The following SH3RF3 variants were observed in gnomAD, a reference collection of about 807,000 sequenced individuals.
SH3RF3 encodes SH3 domain containing ring finger 3, also known as E3 ubiquitin-protein ligase SH3RF3.
Under a neutral mutation model 66.3 loss-of-function variants are expected in SH3RF3, and 29 were observed. The ratio of observed to expected loss-of-function variants is 0.44; its 90% confidence interval spans 0.33 to 0.60. The LOEUF (loss-of-function observed/expected upper bound fraction) is 0.60. Ranked by LOEUF, SH3RF3 falls within the 20% of genes least tolerant of loss-of-function variation. The pLI, the probability that SH3RF3 is intolerant of heterozygous loss-of-function variation, is 0.04. For missense variants in SH3RF3, 1,194 were observed against 1,190.9 expected (o/e 1.00, Z -0.04); for synonymous variants, 583 against 532.0 (o/e 1.10, Z -1.32).
intron 1 of SH3RF3, among the ~76,000 whole-genome samples, chr2:109,158,025 C>G (rs543346582): frequency 1.3e-5 from 2 of 152,264 alleles, no homozygotes; most frequent in Non-Finnish European, 2.9e-5. Flanking sequence ...TTCTGGGCTG[C>G]GTGCTTCAAT....
At chr2:109,447,574 C>G (rs1332246053) in intron 7 of SH3RF3, among the ~76,000 whole-genome samples, 2 of 152,104 alleles carry the variant, frequency 1.3e-5, no homozygotes, top group South Asian at 2.1e-4. Context: ...GTGGTGCTGC[C>G]CGGGCCACTT....
chr2:109,394,846 C>G (rs1047300127), intron 3 of SH3RF3, among the ~76,000 whole-genome samples: 2 of 152,178 alleles, frequency 1.3e-5, no homozygotes, highest in African/African-American at 2.4e-5. Flanking sequence ...GGCCTGTGCG[C>G]GAGACGAGTC....
At chr2:109,466,602 C>CT (rs1678352367) in intron 8 of SH3RF3, among the ~76,000 whole-genome samples, 1 of 151,692 alleles carries the variant, frequency 6.6e-6, no homozygotes. Flanking sequence ...AATTTATTAA[C>CT]TATTTCATGA....
intron 1 of SH3RF3, among the ~76,000 whole-genome samples, chr2:109,173,192 A>G (rs1677829736): frequency 6.6e-6 from 1 of 152,220 alleles, no homozygotes; most frequent in African/African-American, 2.4e-5. Flanking sequence ...AATCGAACAC[A>G]GACTGAGTCA....
chr2:109,204,664 C>T (rs1294015068), intron 1 of SH3RF3, among the ~76,000 whole-genome samples: 1 of 152,238 alleles, frequency 6.6e-6, no homozygotes, highest in Non-Finnish European at 1.5e-5. Context: ...GACCTGCTGG[C>T]AGGCAGGATG....
chr2:109,476,797 TTTC>T (rs1678695628), intron 8 of SH3RF3, among the ~76,000 whole-genome samples: 2 of 152,186 alleles, frequency 1.3e-5, no homozygotes, highest in Non-Finnish European at 2.9e-5. Flanking sequence ...TTTATGGTTG[TTTC>T]TTGATGATAA....
chr2:109,423,025 C>G (rs1302262365), intron 5 of SH3RF3, among the ~76,000 whole-genome samples: 1 of 152,186 alleles, frequency 6.6e-6, no homozygotes, highest in African/African-American at 2.4e-5. Flanking sequence ...GAGCCTTGGT[C>G]TGGGACTGCA....
chr2:109,171,936 T>C (rs750786988), intron 1 of SH3RF3, among the ~76,000 whole-genome samples: 1 of 152,224 alleles, frequency 6.6e-6, no homozygotes, highest in Non-Finnish European at 1.5e-5. Flanking sequence ...CAGCCTTGAC[T>C]CCCTCCTTTC....
At position 109,490,907 on chromosome 2, in the gene SH3RF3, C is replaced by T; in HGVS notation, c.2451C>T (p.Arg817=). The change falls in exon 9 of 10, where the codon CGC becomes CGT. Residue 817 remains arginine (R), a synonymous_variant. Transcript: ENST00000309415. ...RQAPLSMAAI[R]PEPKLLPRER... ...CTCCGCTGTCCATGGCTGCCATCCG[C>T]CCCGAGCCCAAGCTGTTGCCCAGAG... 1.3e-6 allele frequency: 2 copies of T among 1,515,408 alleles called. No individual in the cohort carries two copies. Among genetic ancestry groups the T allele is most frequent in the South Asian group, 1.2e-5 (1 of 81,390 alleles). 93.9% of individuals were successfully genotyped at this position (1,515,408 alleles called of 1,614,324 possible). A position where few individuals can be genotyped will look rare whatever the true frequency, so the allele number is the denominator to read the frequency against.
chr2:109,430,413 CCTTT>C lies in SH3RF3; in HGVS notation c.1404-2087_1404-2084del, dbSNP rs570542675. On this transcript the variant is annotated intron_variant, in intron 5 of 9. Coordinates refer to ENST00000309415, the MANE Select transcript of SH3RF3 (RefSeq NM_001099289.3). ...CACTCTTCCTCTCCTCTTCTGCCTTCCTTTGCCTCAGCCCAGGCTGTGTGGAAGC... is the reference window on the plus strand; with the variant it reads ...CACTCTTCCTCTCCTCTTCTGCCTTCGCCTCAGCCCAGGCTGTGTGGAAGC... 1.4e-3 allele frequency among the ~76,000 whole-genome samples: 214 copies of C among 152,288 alleles called. 1 individual carries two copies. Among genetic ancestry groups the C allele is most frequent in the African/African-American group, 5.1e-3 (210 of 41,548 alleles).
chr2:109,438,148 A>G (rs1677462870), intron 7 of SH3RF3, among the ~76,000 whole-genome samples: 1 of 152,264 alleles, frequency 6.6e-6, no homozygotes, highest in Non-Finnish European at 1.5e-5. Context: ...AAGAGGAGAC[A>G]ACACTTAGGT....
chr2:109,374,907 G>A (rs923900131), intron 3 of SH3RF3, among the ~76,000 whole-genome samples: 19 of 152,204 alleles, frequency 1.2e-4, no homozygotes, highest in African/African-American at 4.6e-4. Context: ...CAAAGTAAAC[G>A]AGAGTGTGCC....
intron 1 of SH3RF3, among the ~76,000 whole-genome samples, chr2:109,171,457 C>T (rs1039168326): frequency 2.6e-5 from 4 of 152,262 alleles, no homozygotes; most frequent in African/African-American, 9.6e-5. Flanking sequence ...TGCTTCCCCT[C>T]CTGCTCCACG....
chr2:109,462,172 T>C (rs764890309), intron 8 of SH3RF3, among the ~76,000 whole-genome samples: 3 of 149,854 alleles, frequency 2.0e-5, no homozygotes, highest in Admixed American at 6.7e-5. Flanking sequence ...GCCATCAATG[T>C]CATGGGCCAT....
At chr2:109,373,666 G>T (rs1319112477) in intron 3 of SH3RF3, among the ~76,000 whole-genome samples, 2 of 152,170 alleles carry the variant, frequency 1.3e-5, no homozygotes, top group East Asian at 3.8e-4. Context: ...AAGAGGTAAG[G>T]AGGTTCTGGG....
intron 3 of SH3RF3, among the ~76,000 whole-genome samples, chr2:109,385,402 C>T (rs1056736739): frequency 6.6e-6 from 1 of 152,206 alleles, no homozygotes; most frequent in Admixed American, 6.5e-5. Context: ...CAGGAAGAAG[C>T]CCCCATGTCC....
At chr2:109,489,981 G>T (rs1679088807) in intron 8 of SH3RF3, among the ~76,000 whole-genome samples, 1 of 152,236 alleles carries the variant, frequency 6.6e-6, no homozygotes, top group East Asian at 1.9e-4. Flanking sequence ...CAAGTGATCT[G>T]CCCACCTTGG....
chr2:109,490,499 A>G, intron 8 of SH3RF3, 106 bp from the exon 9 acceptor site: 1 of 986,056 alleles, frequency 1.0e-6, no homozygotes, highest in Non-Finnish European at 1.4e-6. Context: ...AAAATAAGAA[A>G]TTTAAAAATA....
chr2:109,252,778 T>G (rs1680126298), intron 1 of SH3RF3, among the ~76,000 whole-genome samples: 1 of 152,238 alleles, frequency 6.6e-6, no homozygotes, highest in Admixed American at 6.5e-5. Flanking sequence ...CAAAGCCTGT[T>G]GTATAATAAA....
Sources: allele counts gnomAD v4.1 joint callset (sites outside exome capture counted in the v4.1 genomes callset), GRCh38; gene constraint gnomAD v4.1.1; transcripts MANE v1.5; gene names NCBI Gene and HGNC (gene_info 2026-07-23, HGNC 2026-07-21).